NAA60: variants seen among roughly 807,000 people sequenced by gnomAD.
NAA60 encodes N-alpha-acetyltransferase 60.
NAA60 carries 8 observed loss-of-function variants against 26.1 expected under a neutral mutation model. The observed-to-expected ratio is 0.31, with a 90% CI of 0.18 to 0.55. The LOEUF (loss-of-function observed/expected upper bound fraction) is 0.55. Among genes scored for constraint, NAA60 ranks in the 20% least tolerant of loss-of-function variants. The pLI, the probability that NAA60 is intolerant of heterozygous loss-of-function variation, is 0.93. For synonymous variants in NAA60, 131 were observed against 122.5 expected, an observed-to-expected ratio of 1.07 and a Z score of -0.46; for missense variants, 290 against 311.3, an observed-to-expected ratio of 0.93 and a Z score of 0.51.
intron 2 of NAA60, among the ~76,000 whole-genome samples, chr16:3,466,026 G>A (rs1264770520): frequency 3.3e-5 from 5 of 152,200 alleles, no homozygotes; most frequent in African/African-American, 1.2e-4. Context: ...GTTAACTGAG[G>A]TGTAATTAAC....
At position 3,485,904 on chromosome 16, in the gene NAA60, A is replaced by G. The variant is rs1405474680; in HGVS notation, c.*644A>G. The G allele has an allele frequency of 5.7e-6, 2 of 353,102 alleles. No individual in the cohort carries two copies. The highest frequency in any genetic ancestry group is 7.5e-5 in the East Asian group (1 of 13,342). The allele number at this position is 353,102 out of a possible 1,614,324, so 21.9% of individuals were successfully genotyped here. A position where few individuals can be genotyped will look rare whatever the true frequency, so the allele number is the denominator to read the frequency against. On this transcript the variant is annotated 3_prime_UTR_variant, in exon 8 of 8. Coordinates refer to ENST00000407558, the MANE Select transcript of NAA60 (RefSeq NM_001083601.3). ...AGCCCCCTGGCACAGGCGGTCACGC[A>G]TCAGGACGGTTCCTACTCCTCAGCA...
intron 2 of NAA60, chr16:3,449,114 C>T (rs931396689): frequency 6.6e-6 from 1 of 152,356 alleles, no homozygotes; most frequent in Admixed American, 6.5e-5. Flanking sequence ...TGGCTCACGC[C>T]TGTAATCCCA....
At chr16:3,445,008 A>G (rs1197830904) in intron 1 of NAA60, among the ~76,000 whole-genome samples, 1 of 152,208 alleles carries the variant, frequency 6.6e-6, no homozygotes, top group Non-Finnish European at 1.5e-5. Context: ...ATCTGCCACA[A>G]ATGATATCTC....
chr16:3,477,992 G>A lies in NAA60; in HGVS notation c.111-1479G>A, dbSNP rs1400840030. Among the ~76,000 whole-genome samples the A allele has an allele frequency of 5.3e-5, 8 of 152,038 alleles. No individual in the cohort carries two copies. The South Asian group carries it at 6.2e-4, about 12-fold the overall frequency. ...AGGCAGGAGAATCGCTTGAACCCAG[G>A]TGGCAGAAGTTGCAGTGAGCCAAGA... On this transcript the variant is annotated intron_variant, in intron 3 of 7. Transcript: ENST00000407558.
chr16:3,458,843 A>G (rs2035183919), intron 2 of NAA60, among the ~76,000 whole-genome samples: 1 of 152,164 alleles, frequency 6.6e-6, no homozygotes, highest in African/African-American at 2.4e-5. Context: ...GGTACTTCCC[A>G]GGGAGTAAAG....
chr16:3,485,705 G>C lies in NAA60; in HGVS notation c.*445G>C, dbSNP rs867544205. 1.1e-5 allele frequency: 5 copies of C among 456,450 alleles called. No homozygotes were observed. The highest frequency in any genetic ancestry group is 8.0e-5 in the African/African-American group (4 of 50,090). 28.3% of individuals were successfully genotyped at this position (456,450 alleles called of 1,614,324 possible). A position where few individuals can be genotyped will look rare whatever the true frequency, so the allele number is the denominator to read the frequency against. Reference sequence around the variant, plus strand: ...TATTATGGACACACTTGACCGTAAAGGCACAGGAGCCTCGGAACAAGGGGG... The same window carrying C: ...TATTATGGACACACTTGACCGTAAACGCACAGGAGCCTCGGAACAAGGGGG... On this transcript the variant is annotated 3_prime_UTR_variant, in exon 8 of 8. Transcript: ENST00000407558.
intron 4 of NAA60, among the ~76,000 whole-genome samples, chr16:3,480,165 C>G (rs1012044285): frequency 6.6e-6 from 1 of 152,164 alleles, no homozygotes; most frequent in African/African-American, 2.4e-5. Flanking sequence ...TGAGTTTAGT[C>G]AAGATTCTGT....
chr16:3,465,830 A>T (rs1265770570), intron 2 of NAA60, among the ~76,000 whole-genome samples: 1 of 152,166 alleles, frequency 6.6e-6, no homozygotes. Context: ...TAATCAGAGA[A>T]TCTGACTCTG....
intron 3 of NAA60, among the ~76,000 whole-genome samples, chr16:3,477,926 C>T (rs574212668): frequency 2.1e-4 from 32 of 152,146 alleles, no homozygotes; most frequent in Non-Finnish European, 4.0e-4. Flanking sequence ...ATTATCTGGG[C>T]ATGGTGCAGG....
chr16:3,449,267 C>G (rs1363777862), intron 2 of NAA60, among the ~76,000 whole-genome samples: 2 of 152,074 alleles, frequency 1.3e-5, no homozygotes, highest in Non-Finnish European at 2.9e-5. Flanking sequence ...GTCTGTAATC[C>G]CAGCACTTTG....
intron 2 of NAA60, among the ~76,000 whole-genome samples, chr16:3,462,018 T>TGGA (rs1190173005): frequency 7.1e-6 from 1 of 141,708 alleles, no homozygotes; most frequent in Non-Finnish European, 1.5e-5. Context: ...GCCCAGGAGG[T>TGGA]GGAGGTTGCA....
chr16:3,474,684 G>C (rs1007103695), intron 2 of NAA60, among the ~76,000 whole-genome samples: 2 of 152,220 alleles, frequency 1.3e-5, no homozygotes, highest in African/African-American at 2.4e-5. Flanking sequence ...AGTCCTGGGG[G>C]CCCAGGGGCT....
intron 1 of NAA60, 102 bp downstream of exon 1, chr16:3,443,939 T>A (rs749355093): frequency 1.3e-5 from 19 of 1,421,168 alleles, no homozygotes; most frequent in Non-Finnish European, 1.6e-5. Flanking sequence ...GCTTGAGCTG[T>A]CCTTTGTGTC....
chr16:3,480,885 G>T (rs1219046725), intron 4 of NAA60, among the ~76,000 whole-genome samples: 2 of 152,114 alleles, frequency 1.3e-5, no homozygotes, highest in Admixed American at 6.5e-5. Flanking sequence ...CTCCAGCCTG[G>T]GTGACAGAGT....
chr16:3,458,262 C>G (rs1340936610), intron 2 of NAA60: 1 of 898,214 alleles, frequency 1.1e-6, no homozygotes, highest in Non-Finnish European at 1.3e-6. Context: ...GAGGCCGCGC[C>G]GGGGTCAGGG....
intron 2 of NAA60, among the ~76,000 whole-genome samples, chr16:3,473,414 C>T (rs1432199170): frequency 6.6e-6 from 1 of 152,054 alleles, no homozygotes; most frequent in African/African-American, 2.4e-5. Context: ...AAAGGGAAAC[C>T]CCTTATAAAA....
At chr16:3,465,741 A>C (rs2035717164) in intron 2 of NAA60, among the ~76,000 whole-genome samples, 1 of 152,158 alleles carries the variant, frequency 6.6e-6, no homozygotes, top group Non-Finnish European at 1.5e-5. Flanking sequence ...AGATTCCTCT[A>C]GCAAAAGCAG....
chr16:3,470,540 G>A (rs1273690489), intron 2 of NAA60, among the ~76,000 whole-genome samples: 2 of 152,216 alleles, frequency 1.3e-5, no homozygotes, highest in South Asian at 2.1e-4. Context: ...TGGGCCCAGC[G>A]TGGCCCTCAT....
intron 1 of NAA60, among the ~76,000 whole-genome samples, chr16:3,446,819 C>G (rs1368540242): frequency 6.6e-6 from 1 of 152,056 alleles, no homozygotes; most frequent in Admixed American, 6.6e-5. Context: ...CCATGTTGGC[C>G]AGGCTGGTCT....
Sources: gnomAD v4.1 joint callset for allele counts (sites outside exome capture counted in the v4.1 genomes callset) on GRCh38, gnomAD v4.1.1 for gene constraint, MANE v1.5 for transcripts, NCBI Gene and HGNC (gene_info 2026-07-23, HGNC 2026-07-21) for gene names.